The following NOL4 variants were observed in gnomAD, a reference collection of about 807,000 sequenced individuals.
NOL4 encodes the protein cancer/testis antigen 125.
NOL4 carries 17 observed loss-of-function variants against 75.9 expected under a neutral mutation model. That is an observed-to-expected ratio of 0.22 (90% confidence interval 0.15 to 0.34). The LOEUF is 0.34. Ranked by LOEUF, NOL4 falls within the 10% of genes least tolerant of loss-of-function variation. The pLI, the probability that NOL4 is intolerant of heterozygous loss-of-function variation, is 1.00. For synonymous variants in NOL4, 292 were observed against 289.9 expected (o/e 1.01, Z -0.07); for missense variants, 614 against 793.5 (o/e 0.77, Z 2.72).
At chr18:34,058,628 G>A (rs376869531) in intron 5 of NOL4, among the ~76,000 whole-genome samples, 12 of 152,046 alleles carry the variant, frequency 7.9e-5, no homozygotes, top group East Asian at 5.8e-4. Flanking sequence ...ATATTCCATC[G>A]TAATTATCAT....
intron 1 of NOL4, among the ~76,000 whole-genome samples, chr18:34,161,243 C>T (rs1218776119): frequency 6.6e-6 from 1 of 152,122 alleles, no homozygotes; most frequent in Non-Finnish European, 1.5e-5. Context: ...GATATCATAT[C>T]TTGGCTATTG....
rs150597931 is a variant in NOL4, at chr18:34,025,191, T to A, written c.773-5590A>T. Among the ~76,000 whole-genome samples the A allele has an allele frequency of 1.2e-4, 18 of 152,252 alleles. No homozygotes were observed. In the East Asian group the frequency reaches 3.1e-3, roughly 26 times the overall value. On this transcript the variant is annotated intron_variant, in intron 5 of 10. Transcript: ENST00000261592. The stretch of plus-strand genomic sequence containing the variant: ...AAAACTAATAAACAAAAATACTTAC[T>A]GCCAGAATGGTCCCATTTTTTAAAA...
At chr18:33,996,164 T>C (rs953551786) in intron 6 of NOL4, among the ~76,000 whole-genome samples, 1 of 151,514 alleles carries the variant, frequency 6.6e-6, no homozygotes, top group Non-Finnish European at 1.5e-5. Flanking sequence ...TTCTAGCTAG[T>C]GAAGTTAGAT....
intron 6 of NOL4, among the ~76,000 whole-genome samples, chr18:33,964,451 AAGAG>A (rs2070405077): frequency 2.0e-5 from 3 of 152,038 alleles, no homozygotes; most frequent in Non-Finnish European, 2.9e-5. Flanking sequence ...GAAAGAAAGA[AAGAG>A]AGAAAGGAAA....
chr18:33,891,903 T>C (rs1411452407), intron 9 of NOL4, among the ~76,000 whole-genome samples: 2 of 152,130 alleles, frequency 1.3e-5, no homozygotes, highest in Non-Finnish European at 1.5e-5. Context: ...TATTCAGACA[T>C]GGATTTGCAT....
At chr18:34,159,718 A>C (rs2031147118) in intron 1 of NOL4, among the ~76,000 whole-genome samples, 1 of 151,718 alleles carries the variant, frequency 6.6e-6, no homozygotes, top group South Asian at 2.1e-4. Flanking sequence ...CTTCACTCCC[A>C]CCTAGAATTA....
At chr18:34,094,389 T>C (rs763293139) in intron 4 of NOL4, among the ~76,000 whole-genome samples, 1 of 152,170 alleles carries the variant, frequency 6.6e-6, no homozygotes, top group Non-Finnish European at 1.5e-5. Context: ...CAAGCAAATA[T>C]AAATTGCACG....
At chr18:34,029,638 G>A (rs1454108221) in intron 5 of NOL4, among the ~76,000 whole-genome samples, 2 of 152,056 alleles carry the variant, frequency 1.3e-5, no homozygotes, top group African/African-American at 4.8e-5. Flanking sequence ...CAATTCTCTG[G>A]TGATACTGCG....
intron 1 of NOL4, among the ~76,000 whole-genome samples, chr18:34,135,976 G>A (rs912933975): frequency 6.6e-6 from 1 of 151,842 alleles, no homozygotes; most frequent in Non-Finnish European, 1.5e-5. Context: ...ACATTTACAA[G>A]TTATTATATA....
intron 9 of NOL4, among the ~76,000 whole-genome samples, chr18:33,918,182 A>T (rs997776165): frequency 1.3e-5 from 2 of 152,198 alleles, no homozygotes; most frequent in African/African-American, 4.8e-5. Flanking sequence ...GTACTGATAG[A>T]TTCATGCCAA....
intron 1 of NOL4, chr18:34,222,274 C>T: frequency 7.4e-7 from 1 of 1,349,624 alleles, no homozygotes. Flanking sequence ...AGCGCCTAAA[C>T]CCATCTTTCT....
intron 2 of NOL4, among the ~76,000 whole-genome samples, chr18:34,119,198 C>G (rs1328164466): frequency 1.3e-5 from 2 of 152,160 alleles, no homozygotes; most frequent in Non-Finnish European, 2.9e-5. Context: ...CTGTATCTCT[C>G]AAAAATTTTT....
intron 5 of NOL4, among the ~76,000 whole-genome samples, chr18:34,093,004 C>T (rs1211165007): frequency 6.6e-6 from 1 of 152,138 alleles, no homozygotes; most frequent in African/African-American, 2.4e-5. Context: ...TTACTCAGCA[C>T]TATTGCTCTG....
At chr18:34,029,328 C>T (rs946876260) in intron 5 of NOL4, among the ~76,000 whole-genome samples, 4 of 152,104 alleles carry the variant, frequency 2.6e-5, no homozygotes, top group Non-Finnish European at 4.4e-5. Flanking sequence ...AAAATTGACA[C>T]CCTTGTGCCC....
At chr18:34,158,746 G>T (rs1219359156) in intron 1 of NOL4, 1 of 152,114 alleles carries the variant, frequency 6.6e-6, no homozygotes, top group Non-Finnish European at 1.5e-5. Context: ...CAAGAAACAC[G>T]CTACTTTTAA....
At chr18:34,189,972 A>G (rs2034789316) in intron 1 of NOL4, among the ~76,000 whole-genome samples, 1 of 149,250 alleles carries the variant, frequency 6.7e-6, no homozygotes, top group Admixed American at 6.8e-5. Context: ...ATAGTAGAGA[A>G]AGTTAGATAT....
intron 9 of NOL4, among the ~76,000 whole-genome samples, chr18:33,941,611 G>C (rs2068482292): frequency 6.6e-6 from 1 of 151,878 alleles, no homozygotes; most frequent in African/African-American, 2.4e-5. Context: ...CAGGCAAAAT[G>C]CTAAGTACAT....
intron 1 of NOL4, among the ~76,000 whole-genome samples, chr18:34,216,381 CA>C: frequency 6.6e-6 from 1 of 151,956 alleles, no homozygotes; most frequent in Non-Finnish European, 1.5e-5. Context: ...AGGTAAAAGA[CA>C]AATACTCTCA....
At chr18:33,928,194 G>C (rs2067460911) in intron 9 of NOL4, among the ~76,000 whole-genome samples, 1 of 152,052 alleles carries the variant, frequency 6.6e-6, no homozygotes, top group Non-Finnish European at 1.5e-5. Flanking sequence ...TGTCTTCATG[G>C]AGATCCCAGT....
Sources: allele counts gnomAD v4.1 joint callset (sites outside exome capture counted in the v4.1 genomes callset), GRCh38; gene constraint gnomAD v4.1.1; transcripts MANE v1.5; gene names NCBI Gene and HGNC (gene_info 2026-07-23, HGNC 2026-07-21).